The following MDGA2 variants were observed in gnomAD, a reference collection of about 807,000 sequenced individuals.
The protein encoded by MDGA2 is MAM domain containing glycosylphosphatidylinositol anchor 2.
Under a neutral mutation model 117.8 loss-of-function variants are expected in MDGA2, and 40 were observed. The observed-to-expected ratio is 0.34, with a 90% confidence interval of 0.26 to 0.44. The LOEUF is 0.44. Among genes scored for constraint, MDGA2 ranks in the 20% least tolerant of loss-of-function variants. The pLI, the probability that MDGA2 is intolerant of heterozygous loss-of-function variation, is 1.00. For missense variants in MDGA2, 1,123 were observed against 1,250.6 expected (o/e 0.90, Z 1.54); for synonymous variants, 452 against 439.0 (o/e 1.03, Z -0.37).
chr14:47,460,257 T>A (rs1893454516), intron 1 of MDGA2, among the ~76,000 whole-genome samples: 1 of 152,090 alleles, frequency 6.6e-6, no homozygotes, highest in Non-Finnish European at 1.5e-5. Flanking sequence ...TGATGATAAG[T>A]CATAAGTAAA....
intron 8 of MDGA2, among the ~76,000 whole-genome samples, chr14:46,978,616 C>T (rs1271452304): frequency 6.6e-6 from 1 of 151,958 alleles, no homozygotes; most frequent in Non-Finnish European, 1.5e-5. Context: ...TATCAAATAA[C>T]TGTAAATATG....
chr14:47,275,915 C>T (rs75486398), intron 2 of MDGA2, among the ~76,000 whole-genome samples: 4,464 of 152,080 alleles, frequency 0.029, 216 homozygotes, highest in African/African-American at 0.1. Context: ...ACTTTGTGTC[C>T]TCTGAAACAT....
intron 10 of MDGA2, among the ~76,000 whole-genome samples, chr14:46,901,794 G>A (rs1014549089): frequency 3.9e-5 from 6 of 152,174 alleles, no homozygotes; most frequent in African/African-American, 1.4e-4. Flanking sequence ...CTGAGCCTGT[G>A]ACCAAAACTG....
intron 1 of MDGA2, among the ~76,000 whole-genome samples, chr14:47,358,631 A>G (rs1264395249): frequency 6.6e-6 from 1 of 152,206 alleles, no homozygotes; most frequent in Non-Finnish European, 1.5e-5. Context: ...ATGAAAAATC[A>G]ACATACAAAA....
intron 15 of MDGA2, among the ~76,000 whole-genome samples, chr14:46,848,014 G>A (rs1880910357): frequency 6.6e-6 from 1 of 151,960 alleles, no homozygotes; most frequent in South Asian, 2.1e-4. Context: ...ACTGCTTGTA[G>A]AGTGCAATAC....
At chr14:46,877,255 T>C (rs184430441) in intron 12 of MDGA2, among the ~76,000 whole-genome samples, 1 of 151,782 alleles carries the variant, frequency 6.6e-6, no homozygotes, top group Admixed American at 6.6e-5. Flanking sequence ...AATGGCTCCA[T>C]ATTTCAATAT....
chr14:47,186,057 G>GA (rs1884898822), intron 3 of MDGA2, among the ~76,000 whole-genome samples: 1 of 151,210 alleles, frequency 6.6e-6, no homozygotes, highest in South Asian at 2.1e-4. Flanking sequence ...AAAAGAAGAA[G>GA]AAAATCCATT....
rs551253060 is a variant in MDGA2 at position 46,878,116 on chromosome 14, A to T, written c.2417-607T>A. Among the ~76,000 whole-genome samples, 3 of 152,070 alleles carry T rather than the reference A, an allele frequency of 2.0e-5. No individual in the cohort carries two copies. In the South Asian group the frequency reaches 6.2e-4, roughly 32 times the overall value. On this transcript the variant is annotated intron_variant, in intron 11 of 16. Coordinates refer to ENST00000399232, the MANE Select transcript of MDGA2 (RefSeq NM_001113498.3). ...CACACAGAATTTTAAAATGATGAGC[A>T]ATACATTTTCTGTTCTGGGGTACCA... is the stretch of plus-strand genomic sequence containing the variant.
In MDGA2 at chr14:46,866,728, G is replaced by A. The variant is rs867040338; in HGVS notation, c.2752+6705C>T. 4.8e-3 allele frequency among the ~76,000 whole-genome samples: 725 copies of A among 151,214 alleles called. 2 individuals carry two copies. The highest frequency in any genetic ancestry group is 0.016 in the African/African-American group (654 of 41,312). On this transcript the variant is annotated intron_variant, in intron 14 of 16. Coordinates refer to ENST00000399232, the MANE Select transcript of MDGA2 (RefSeq NM_001113498.3). ...AAAACAACCCCATCAGAAAGTGGGC[G>A]AAGGACATGAACAGACACTTCTCAA...
chr14:47,060,311 G>A (rs931640484), intron 7 of MDGA2, among the ~76,000 whole-genome samples: 6 of 152,016 alleles, frequency 3.9e-5, no homozygotes, highest in African/African-American at 7.2e-5. Context: ...TCAATCCAGT[G>A]TTCACTGCAA....
chr14:47,061,524 T>A lies in MDGA2; in HGVS notation c.1250A>T (p.Asn417Ile), dbSNP rs756786117. The change falls in exon 7 of 17, where the codon AAC becomes ATC. Residue 417 changes from asparagine to isoleucine, a missense_variant. Asn to Ile is a moderately radical substitution (Grantham distance 149, BLOSUM62 -3). Around this residue, in one of 2 missense-constraint regions of MDGA2, gnomAD observed 890 missense variants for 1,050.3 expected, o/e 0.85. Transcript: ENST00000399232. ...ITPDPYHKDD[N>I]IQIGREVKIS... Reference sequence around the variant, plus strand: ...TTTCACCTCACGGCCAATCTGGATGTTGTCATCTTTGTGATAAGGATCTGG... The same window carrying A: ...TTTCACCTCACGGCCAATCTGGATGATGTCATCTTTGTGATAAGGATCTGG... 6.2e-7 allele frequency: 1 copy of A among 1,613,344 alleles called. No homozygotes were observed. The highest frequency in any genetic ancestry group is 8.5e-7 in the Non-Finnish European group (1 of 1,179,554).
chr14:47,193,783 C>T (rs374096696), intron 3 of MDGA2, among the ~76,000 whole-genome samples: 15 of 152,224 alleles, frequency 9.9e-5, no homozygotes, highest in Admixed American at 3.3e-4. Context: ...TTTTCAGAGG[C>T]GTCCTTCAGA....
chr14:47,565,417 G>A (rs1895897534), intron 1 of MDGA2, among the ~76,000 whole-genome samples: 1 of 152,174 alleles, frequency 6.6e-6, no homozygotes, highest in Non-Finnish European at 1.5e-5. Context: ...GTTCAGCTCA[G>A]TATTATTGGG....
intron 1 of MDGA2, among the ~76,000 whole-genome samples, chr14:47,419,822 C>G (rs1892542696): frequency 6.6e-6 from 1 of 151,814 alleles, no homozygotes; most frequent in African/African-American, 2.4e-5. Context: ...CTAAGTGGAC[C>G]ATTTTTCTTG....
intron 10 of MDGA2, among the ~76,000 whole-genome samples, chr14:46,895,965 T>G (rs1004818642): frequency 1.3e-5 from 2 of 152,170 alleles, no homozygotes; most frequent in Non-Finnish European, 2.9e-5. Context: ...TAAAGTTCAA[T>G]CTTATTCTCC....
intron 1 of MDGA2, among the ~76,000 whole-genome samples, chr14:47,530,781 A>G (rs967330587): frequency 4.6e-5 from 7 of 152,184 alleles, no homozygotes; most frequent in South Asian, 2.1e-4. Context: ...AGTTAGACGA[A>G]TCACATTTTC....
rs373238399 is a variant in MDGA2 at position 46,925,911 on chromosome 14, A to G, written c.2090-5751T>C. Among the ~76,000 whole-genome samples, 180 of 152,276 alleles carry G rather than the reference A, an allele frequency of 1.2e-3. 1 individual carries two copies. Among genetic ancestry groups the G allele is most frequent in the African/African-American group, 4.1e-3 (172 of 41,566 alleles). ...CATGTCCTTAGGTGGAGAAAAATGA[A>G]TATGTTATAGATACTTTAGAAACTA... On this transcript the variant is annotated intron_variant, in intron 9 of 16. Transcript: ENST00000399232.
intron 3 of MDGA2, among the ~76,000 whole-genome samples, chr14:47,156,528 G>A (rs1883396938): frequency 6.6e-6 from 1 of 152,106 alleles, no homozygotes; most frequent in South Asian, 2.1e-4. Flanking sequence ...TGATTAATCA[G>A]TTATTAACTG....
At chr14:47,107,397 A>G (rs982817678) in intron 5 of MDGA2, among the ~76,000 whole-genome samples, 4 of 151,986 alleles carry the variant, frequency 2.6e-5, no homozygotes, top group African/African-American at 7.2e-5. Context: ...TATCCTCAAT[A>G]CCTGCCTCTA....
Sources: gnomAD v4.1 joint callset for allele counts (sites outside exome capture counted in the v4.1 genomes callset) on GRCh38, gnomAD v4.1.1 for gene constraint, gnomAD v4.1.1 regional missense constraint, MANE v1.5 for transcripts, NCBI Gene and HGNC (gene_info 2026-07-23, HGNC 2026-07-21) for gene names.